RBPJ: variants seen among roughly 807,000 people sequenced by gnomAD.
RBPJ encodes recombining binding protein suppressor of hairless.
RBPJ carries 9 observed loss-of-function variants against 67.8 expected under a neutral mutation model. That is an observed-to-expected ratio of 0.13 (90% confidence interval 0.08 to 0.23). The LOEUF is 0.23. Ranked by LOEUF, RBPJ falls within the 10% of genes least tolerant of loss-of-function variation. The pLI is 1.00. For missense variants in RBPJ, 305 were observed against 595.6 expected, an observed-to-expected ratio of 0.51 and a Z score of 5.08; for synonymous variants, 198 against 203.3, an observed-to-expected ratio of 0.97 and a Z score of 0.22.
intron 1 of RBPJ, among the ~76,000 whole-genome samples, chr4:26,340,015 T>TC (rs1392257363): frequency 2.0e-5 from 3 of 150,782 alleles, no homozygotes; most frequent in African/African-American, 7.3e-5. Flanking sequence ...CAAGACTCCA[T>TC]CTAAAAAAAA....
rs190940177 is a variant in RBPJ at position 26,265,828 on chromosome 4, G to A, written c.-166-96618G>A. On this transcript the variant is annotated intron_variant, in intron 1 of 4. Coordinates refer to the RBPJ transcript ENST00000512351. ...CTGAGGTGGGTGGATCACGAGGTCA[G>A]GAGTTCAAGACCAGCCTGGCCAACA... 4.1e-3 allele frequency among the ~76,000 whole-genome samples: 630 copies of A among 152,190 alleles called. 4 individuals carry two copies. The highest frequency in any genetic ancestry group is 5.7e-3 in the Non-Finnish European group (390 of 68,002).
chr4:26,186,886 T>C (rs1231742679), intron 1 of RBPJ, among the ~76,000 whole-genome samples: 1 of 152,154 alleles, frequency 6.6e-6, no homozygotes, highest in Non-Finnish European at 1.5e-5. Context: ...ATCCACGGAA[T>C]ACCCCAGCAA....
chr4:26,300,286 G>T (rs538524553), intron 1 of RBPJ, among the ~76,000 whole-genome samples: 1 of 152,246 alleles, frequency 6.6e-6, no homozygotes, highest in Admixed American at 6.5e-5. Context: ...AATGTTAATA[G>T]TTGGCAGGAG....
At chr4:26,369,917 A>C (rs958210813) in intron 1 of RBPJ, among the ~76,000 whole-genome samples, 1 of 152,116 alleles carries the variant, frequency 6.6e-6, no homozygotes, top group Non-Finnish European at 1.5e-5. Context: ...ATGCAGCCTG[A>C]ACAAACCAAA....
chr4:26,111,630 G>A, the RBPJ span, among the ~76,000 whole-genome samples: 145 of 152,320 alleles, frequency 9.5e-4, no homozygotes, highest in African/African-American at 3.2e-3. Context: ...AGTCCCTCAT[G>A]GGAAACAATC....
intron 1 of RBPJ, among the ~76,000 whole-genome samples, chr4:26,379,605 A>T (rs1730109666): frequency 6.6e-6 from 1 of 152,190 alleles, no homozygotes; most frequent in Non-Finnish European, 1.5e-5. Context: ...TCATGAGAAC[A>T]GCATGGGGGA....
chr4:26,325,011 A>G (rs1723472677), intron 1 of RBPJ, among the ~76,000 whole-genome samples: 1 of 152,220 alleles, frequency 6.6e-6, no homozygotes, highest in Non-Finnish European at 1.5e-5. Context: ...TTGGCCTTAG[A>G]AAAGTGTTTT....
upstream of RBPJ, among the ~76,000 whole-genome samples, chr4:26,316,408 T>C (rs1013168342): frequency 1.4e-5 from 2 of 143,658 alleles, no homozygotes; most frequent in African/African-American, 2.6e-5. Flanking sequence ...CATTCATATA[T>C]ATACATTCAT....
At chr4:26,271,414 T>C (rs1399892619) in intron 1 of RBPJ, among the ~76,000 whole-genome samples, 1 of 152,084 alleles carries the variant, frequency 6.6e-6, no homozygotes, top group Non-Finnish European at 1.5e-5. Context: ...GAGATGTAGG[T>C]AACTCAGGAG....
At chr4:26,319,608 C>T (rs1454098500), upstream of RBPJ, 1 of 575,222 alleles carries the variant, frequency 1.7e-6, no homozygotes. Context: ...AACAGGGGCA[C>T]GTTCTCGCGA....
chr4:26,244,362 TGC>T (rs1475872832), intron 1 of RBPJ, among the ~76,000 whole-genome samples: 3 of 143,420 alleles, frequency 2.1e-5, no homozygotes, highest in African/African-American at 5.3e-5. Flanking sequence ...TATATATGTA[TGC>T]ACATATGTGT....
chr4:26,306,780 G>T (rs1722252954), intron 1 of RBPJ, among the ~76,000 whole-genome samples: 1 of 151,910 alleles, frequency 6.6e-6, no homozygotes, highest in Non-Finnish European at 1.5e-5. Flanking sequence ...AAATGTGTCA[G>T]AAAATTCAAA....
At chr4:26,262,453 T>C (rs1244866116) in intron 1 of RBPJ, among the ~76,000 whole-genome samples, 1 of 152,190 alleles carries the variant, frequency 6.6e-6, no homozygotes, top group Non-Finnish European at 1.5e-5. Context: ...GTTATTTAAA[T>C]CAAAAATTCA....
the RBPJ span, among the ~76,000 whole-genome samples, chr4:26,143,181 C>G: frequency 6.6e-6 from 1 of 152,066 alleles, no homozygotes; most frequent in Non-Finnish European, 1.5e-5. Flanking sequence ...AAATTCAATC[C>G]CATCTGATTA....
At chr4:26,285,673 T>C (rs1026656404) in intron 1 of RBPJ, among the ~76,000 whole-genome samples, 2 of 109,644 alleles carry the variant, frequency 1.8e-5, no homozygotes, top group African/African-American at 4.1e-5. Flanking sequence ...ATGATACTGA[T>C]ACGTTAAAAA....
At chr4:26,351,759 T>G (rs1726827293) in intron 1 of RBPJ, among the ~76,000 whole-genome samples, 1 of 152,256 alleles carries the variant, frequency 6.6e-6, no homozygotes, top group Non-Finnish European at 1.5e-5. Context: ...ACTTGTTTTC[T>G]CTACAACTAT....
chr4:26,236,188 A>G (rs1427378554), intron 1 of RBPJ, among the ~76,000 whole-genome samples: 1 of 152,232 alleles, frequency 6.6e-6, no homozygotes, highest in Non-Finnish European at 1.5e-5. Context: ...ATCCTGTATC[A>G]GCCACGTAAA....
chr4:26,207,660 G>C (rs573565226), intron 1 of RBPJ, among the ~76,000 whole-genome samples: 31 of 152,330 alleles, frequency 2.0e-4, no homozygotes, highest in African/African-American at 7.2e-4. Context: ...ATACAACAGA[G>C]AAGCAATGCC....
chr4:26,212,699 A>G (rs754435481), intron 1 of RBPJ, among the ~76,000 whole-genome samples: 9 of 152,072 alleles, frequency 5.9e-5, no homozygotes, highest in Non-Finnish European at 1.2e-4. Context: ...GTCTTGCCCC[A>G]TACGCAGCAG....
Sources: gnomAD v4.1 joint callset for allele counts (sites outside exome capture counted in the v4.1 genomes callset) on GRCh38, gnomAD v4.1.1 for gene constraint, MANE v1.5 for transcripts, NCBI Gene and HGNC (gene_info 2026-07-23, HGNC 2026-07-21) for gene names.